Variants in NUP214 observed in about 807,000 individuals in gnomAD.
The protein encoded by NUP214 is nucleoporin 214.
In NUP214, 79 loss-of-function variants were observed where a neutral mutation model predicts 196.2. That is an observed-to-expected ratio of 0.40 (90% CI 0.34 to 0.49). The LOEUF is 0.49. Ranked by LOEUF, NUP214 falls within the 20% of genes least tolerant of loss-of-function variation. NUP214 has a pLI of 0.58. For missense variants in NUP214, 2,468 were observed against 2,539.0 expected (o/e 0.97, Z 0.60); for synonymous variants, 1,020 against 990.5 (o/e 1.03, Z -0.56).
chr9:131,150,538 GC>G, intron 15 of NUP214, 77 bp from the exon 16 acceptor site: 1 of 1,586,282 alleles, frequency 6.3e-7, no homozygotes, highest in Non-Finnish European at 8.6e-7. Context: ...AGCAGTCTGA[GC>G]AGTTAGTAAG....
chr9:131,157,688 C>G (rs1191483765), intron 17 of NUP214, among the ~76,000 whole-genome samples: 1 of 152,032 alleles, frequency 6.6e-6, no homozygotes, highest in Admixed American at 6.6e-5. Flanking sequence ...CTCTTTCACC[C>G]AGGTTGGAGT....
At chr9:131,217,369 A>C (rs942826679) in intron 31 of NUP214, among the ~76,000 whole-genome samples, 4 of 152,252 alleles carry the variant, frequency 2.6e-5, no homozygotes, top group Admixed American at 1.3e-4. Context: ...AATCAAGTCT[A>C]GTAGTTTTCA....
chr9:131,164,218 T>C, intron 21 of NUP214, 74 bp downstream of exon 21: 1 of 1,303,874 alleles, frequency 7.7e-7, no homozygotes, highest in Non-Finnish European at 1.1e-6. Context: ...CGCGCGCACA[T>C]GCACGTGTGC....
chr9:131,215,064 C>G, intron 30 of NUP214, 148 bp from the exon 31 acceptor site: 1 of 584,926 alleles, frequency 1.7e-6, no homozygotes, highest in Non-Finnish European at 2.7e-6. Context: ...AGTCTAGCTT[C>G]TTTTGTGGTG....
chr9:131,193,663 G>A (rs199944033), intron 27 of NUP214, among the ~76,000 whole-genome samples: 3 of 8,506 alleles, frequency 3.5e-4, no homozygotes, highest in Non-Finnish European at 9.2e-4. Context: ...TTTTTTTTTT[G>A]GATTTTCAGG....
At position 131,198,278 on chromosome 9, in the gene NUP214, C is replaced by T; in HGVS notation, c.4784C>T (p.Ala1595Val). Residue 1595 changes from alanine to valine, a missense_variant, in exon 29 of 36, where the codon GCT becomes GTT. Transcript: ENST00000359428. ...ASSFSVPGQT[A>V]VTAAAISSAG... ...TCCTTTTCTGTGCCTGGGCAGACTG[C>T]TGTCACAGCAGCTGCTATCTCAAGT... The T allele has an allele frequency of 6.2e-7, 1 of 1,614,238 alleles. No homozygotes were observed. The highest frequency in any genetic ancestry group is 8.5e-7 in the Non-Finnish European group (1 of 1,180,048).
rs1172420252 is a variant in NUP214, at chr9:131,146,721, G to A, written c.1945+417G>A. Among the ~76,000 whole-genome samples, 1 of 152,170 alleles carries A rather than the reference G, an allele frequency of 6.6e-6. No individual in the cohort carries two copies. Among genetic ancestry groups the A allele is most frequent in the African/African-American group, 2.4e-5 (1 of 41,442 alleles). ...AAGGCAGGTGGATCACCGGAGGTTA[G>A]GAGTTCGAGACCAGCCTGGCCAACA... On this transcript the variant is annotated intron_variant, in intron 13 of 35. Coordinates refer to ENST00000359428, the MANE Select transcript of NUP214 (RefSeq NM_005085.4). This position sits in a 1 kb window ranked among gnomAD's most constrained non-coding sequence, Gnocchi z 4.6.
Position 131,133,095 on chromosome 9 carries a change from G to A in NUP214, c.728-11G>A, listed in dbSNP as rs746419202. The A allele has an allele frequency of 1.3e-6, 2 of 1,595,166 alleles. No homozygotes were observed. Among genetic ancestry groups the A allele is most frequent in the Non-Finnish European group, 1.7e-6 (2 of 1,163,822 alleles). On this transcript the variant is annotated splice_polypyrimidine_tract_variant and intron_variant, in intron 6 of 35. Transcript: ENST00000359428. ...ATTTTTATGAGCTACTGATTAAGAT[G>A]TGTCTTTCAGTTCTGGATGTGCTGT...
chr9:131,209,893 G>C (rs1423491490), intron 30 of NUP214, among the ~76,000 whole-genome samples: 2 of 152,044 alleles, frequency 1.3e-5, no homozygotes, highest in Non-Finnish European at 2.9e-5. Flanking sequence ...TGGAACTCTT[G>C]TTTGAAAGGT....
Position 131,234,292 on chromosome 9 carries a change from C to G in NUP214, c.*805C>G, listed in dbSNP as rs1834956031. 4.3e-6 allele frequency: 1 copy of G among 232,702 alleles called. No homozygotes were observed. Among genetic ancestry groups the G allele is most frequent in the South Asian group, 1.8e-4 (1 of 5,528 alleles). 14.4% of individuals were successfully genotyped at this position (232,702 alleles called of 1,614,324 possible). A position where few individuals can be genotyped will look rare whatever the true frequency, so the allele number is the denominator to read the frequency against. On this transcript the variant is annotated 3_prime_UTR_variant, in exon 36 of 36. Transcript: ENST00000359428. ...TCTACTAACCACAGTGCAGATAGCC[C>G]TTGGGTAGACCCAGGAAGTGTGAAG...
chr9:131,202,459 T>G (rs149820713), intron 30 of NUP214, among the ~76,000 whole-genome samples: 267 of 152,324 alleles, frequency 1.8e-3, no homozygotes, highest in African/African-American at 6.1e-3. Context: ...AGTCTAACTC[T>G]GTTGCCCAGG....
intron 34 of NUP214, among the ~76,000 whole-genome samples, chr9:131,231,174 G>A (rs1165667671): frequency 6.6e-6 from 1 of 151,912 alleles, no homozygotes; most frequent in Non-Finnish European, 1.5e-5. Flanking sequence ...GTAACATACT[G>A]AAAGTGGTTG....
intron 32 of NUP214, among the ~76,000 whole-genome samples, chr9:131,223,727 A>ATTTATTTATTTATTTTATTTTTTTTTTT: frequency 6.4e-5 from 1 of 15,642 alleles, no homozygotes; most frequent in Non-Finnish European, 1.4e-4. Context: ...TTATTTATTT[A>ATTTATTTATTTATTTTATTTTTTTTTTT]TTTTTTTTTT....
chr9:131,141,841 CT>C (rs1831926056), intron 11 of NUP214: 1 of 152,094 alleles, frequency 6.6e-6, no homozygotes, highest in African/African-American at 2.4e-5. Flanking sequence ...TAATATTTCT[CT>C]TTTTGAATTC....
chr9:131,185,661 G>A (rs936531690), intron 24 of NUP214, among the ~76,000 whole-genome samples: 2 of 152,182 alleles, frequency 1.3e-5, no homozygotes, highest in African/African-American at 4.8e-5. Flanking sequence ...TTGTTTGAGA[G>A]TATACTGTTT....
At chr9:131,213,888 G>A (rs542087775) in intron 30 of NUP214, among the ~76,000 whole-genome samples, 2 of 152,126 alleles carry the variant, frequency 1.3e-5, no homozygotes, top group African/African-American at 4.8e-5. Flanking sequence ...CAGAAGATAT[G>A]TGTGACTGCC....
chr9:131,196,147 T>G (rs978469149), intron 28 of NUP214, among the ~76,000 whole-genome samples: 1 of 151,560 alleles, frequency 6.6e-6, no homozygotes, highest in Non-Finnish European at 1.5e-5. Flanking sequence ...CCGTTTATGA[T>G]TAAGTCTTTT....
At chr9:131,128,140 G>A (rs547281269) in intron 2 of NUP214, among the ~76,000 whole-genome samples, 192 bp from the exon 3 acceptor site, 2 of 152,288 alleles carry the variant, frequency 1.3e-5, no homozygotes, top group South Asian at 4.1e-4. Context: ...ATTGTATGAG[G>A]AAGAATTCCA....
Position 131,232,788 on chromosome 9 carries a change from T to C in NUP214, c.6239+480T>C, listed in dbSNP as rs1834914332. 5.5e-6 allele frequency: 1 copy of C among 180,784 alleles called. No homozygotes were observed. The highest frequency in any genetic ancestry group is 2.4e-5 in the African/African-American group (1 of 41,900). 11.2% of individuals were successfully genotyped at this position (180,784 alleles called of 1,614,324 possible). The stretch of plus-strand genomic sequence containing the variant: ...ACTTTGGGAGGCTGAGGTGGGAGGA[T>C]TGCTTGAGCCCAGGAGTCAAGACCA... On this transcript the variant is annotated intron_variant, in intron 35 of 35. Transcript: ENST00000359428. The surrounding 1 kb of genome is among the most constrained non-coding windows in gnomAD (Gnocchi z 5.1).
Sources: gnomAD v4.1 joint callset for allele counts (sites outside exome capture counted in the v4.1 genomes callset) on GRCh38, gnomAD v4.1.1 for gene constraint, Gnocchi (gnomAD v3.1) non-coding constraint, MANE v1.5 for transcripts, NCBI Gene and HGNC (gene_info 2026-07-23, HGNC 2026-07-21) for gene names.